The following PTPRG variants were observed in gnomAD, a reference collection of about 807,000 sequenced individuals.
PTPRG encodes the protein protein tyrosine phosphatase receptor type G, also known as receptor-type tyrosine-protein phosphatase gamma.
Under a neutral mutation model 165.3 loss-of-function variants are expected in PTPRG, and 102 were observed. The observed-to-expected ratio is 0.62, with a 90% CI of 0.53 to 0.73. The LOEUF (loss-of-function observed/expected upper bound fraction) is 0.73, where lower values mean the gene tolerates loss of function less well. Among genes scored for constraint, PTPRG ranks in the 30% least tolerant of loss-of-function variants. PTPRG has a pLI of 0.00. For synonymous variants in PTPRG, 675 were observed against 669.5 expected (o/e 1.01, Z -0.13); for missense variants, 1,866 against 1,861.4 (o/e 1.00, Z -0.05).
At chr3:62,249,216 T>C (rs1441939024) in intron 15 of PTPRG, among the ~76,000 whole-genome samples, 3 of 152,218 alleles carry the variant, frequency 2.0e-5, no homozygotes, top group Non-Finnish European at 4.4e-5. Context: ...TTTTGTTTCA[T>C]ATTTGCTTTA....
intron 5 of PTPRG, among the ~76,000 whole-genome samples, chr3:62,113,530 A>C (rs1350448482): frequency 3.3e-4 from 51 of 152,380 alleles, no homozygotes; most frequent in Non-Finnish European, 1.5e-5. Flanking sequence ...ATGAAAATTG[A>C]CATATGCAAT....
rs769223997 is a variant in PTPRG, at chr3:61,562,373, G to A, written c.85+1G>A. ...CTCCATTATGTCGTGTGCTTCCCCGGTGAGTGCCGGCCGCCGAGGGGATGC... is the reference window on the plus strand; with the variant it reads ...CTCCATTATGTCGTGTGCTTCCCCGATGAGTGCCGGCCGCCGAGGGGATGC... On this transcript the variant is annotated splice_donor_variant, in intron 1 of 29. Coordinates refer to ENST00000474889, the MANE Select transcript of PTPRG (RefSeq NM_002841.4). LOFTEE classifies it high-confidence loss of function. 1 of 1,613,380 alleles carries A rather than the reference G, an allele frequency of 6.2e-7. No individual in the cohort carries two copies. Among genetic ancestry groups the A allele is most frequent in the Non-Finnish European group, 8.5e-7 (1 of 1,179,560 alleles).
chr3:61,716,016 G>A (rs1332199701), intron 1 of PTPRG, among the ~76,000 whole-genome samples: 1 of 152,082 alleles, frequency 6.6e-6, no homozygotes, highest in East Asian at 1.9e-4. Flanking sequence ...GGATGGAGAG[G>A]GTCTCCTGTG....
chr3:61,827,017 A>T (rs1181889503), intron 2 of PTPRG, among the ~76,000 whole-genome samples: 1 of 152,146 alleles, frequency 6.6e-6, no homozygotes, highest in Non-Finnish European at 1.5e-5. Flanking sequence ...CAATCAGGCA[A>T]CTAGAATGAG....
chr3:61,618,765 A>G (rs1036900235), intron 1 of PTPRG, among the ~76,000 whole-genome samples: 1 of 152,096 alleles, frequency 6.6e-6, no homozygotes, highest in African/African-American at 2.4e-5. Context: ...CTTTCTGTTG[A>G]TGAGAGTCAA....
At chr3:61,986,368 A>G (rs561391750) in intron 2 of PTPRG, among the ~76,000 whole-genome samples, 1 of 152,336 alleles carries the variant, frequency 6.6e-6, no homozygotes, top group African/African-American at 2.4e-5. Flanking sequence ...TAAATTGTAT[A>G]ATAGTAATAA....
At chr3:61,919,668 G>A (rs1333081412) in intron 2 of PTPRG, among the ~76,000 whole-genome samples, 1 of 152,104 alleles carries the variant, frequency 6.6e-6, no homozygotes, top group Non-Finnish European at 1.5e-5. Flanking sequence ...CTCGTCATGG[G>A]GAGGGTTTTC....
intron 1 of PTPRG, among the ~76,000 whole-genome samples, chr3:61,695,727 G>T (rs1351280239): frequency 6.6e-6 from 1 of 152,194 alleles, no homozygotes; most frequent in Non-Finnish European, 1.5e-5. Context: ...AGTATGACAT[G>T]TTCCAGGTTG....
chr3:62,073,404 A>G (rs1701273230), intron 4 of PTPRG, among the ~76,000 whole-genome samples: 1 of 152,248 alleles, frequency 6.6e-6, no homozygotes, highest in Non-Finnish European at 1.5e-5. Context: ...CCTTAGCCAC[A>G]TGATCAAGAT....
chr3:61,888,625 C>A (rs1348907724), intron 2 of PTPRG, among the ~76,000 whole-genome samples: 1 of 151,758 alleles, frequency 6.6e-6, no homozygotes, highest in Non-Finnish European at 1.5e-5. Flanking sequence ...GCCACAGTAC[C>A]CAGCCAAAAA....
In PTPRG at chr3:62,263,139, C is replaced by T. The variant is rs765917774; in HGVS notation, c.2656+245C>T. ...GACTGAAAGAAAATGTTTGGAGCTT[C>T]GCTATTTTCACATGAAGTGATGTCA... is the stretch of plus-strand genomic sequence containing the variant. On this transcript the variant is annotated intron_variant, in intron 17 of 29. Coordinates refer to ENST00000474889, the MANE Select transcript of PTPRG (RefSeq NM_002841.4). 30 of 392,554 alleles carry T rather than the reference C, an allele frequency of 7.6e-5. No homozygotes were observed. The East Asian group carries it at 1.0e-3, about 14-fold the overall frequency. 24.3% of individuals were successfully genotyped at this position (392,554 alleles called of 1,614,324 possible). A position where few individuals can be genotyped will look rare whatever the true frequency, so the allele number is the denominator to read the frequency against.
intron 28 of PTPRG, among the ~76,000 whole-genome samples, chr3:62,284,547 A>G (rs1702566515): frequency 6.6e-6 from 1 of 152,078 alleles, no homozygotes; most frequent in East Asian, 1.9e-4. Context: ...TATTGAAGAG[A>G]AACTTTAAAA....
At chr3:61,695,510 T>C (rs925343622) in intron 1 of PTPRG, among the ~76,000 whole-genome samples, 2 of 152,198 alleles carry the variant, frequency 1.3e-5, no homozygotes, top group African/African-American at 4.8e-5. Flanking sequence ...CAAGTTCCGT[T>C]GACTAAAGGA....
In PTPRG at chr3:62,293,217, T is replaced by C; in HGVS notation, c.4248T>C (p.Asn1416=). 1 of 1,611,146 alleles carries C rather than the reference T, an allele frequency of 6.2e-7. No individual in the cohort carries two copies. Among genetic ancestry groups the C allele is most frequent in the African/African-American group, 1.3e-5 (1 of 74,820 alleles). Residue 1416 remains asparagine, a synonymous_variant, in exon 30 of 30, where the codon AAT becomes AAC. Coordinates refer to ENST00000474889, the MANE Select transcript of PTPRG (RefSeq NM_002841.4). ...AMLSLVSTKE[N]GNGPMTVDKN... is the part of the protein sequence containing the mutation. ...TTAGCTTGGTCAGCACTAAAGAAAA[T>C]GGAAATGGTCCCATGACAGTAGACA...
intron 1 of PTPRG, among the ~76,000 whole-genome samples, chr3:61,723,775 T>C (rs1186378124): frequency 1.3e-5 from 2 of 152,178 alleles, no homozygotes; most frequent in Non-Finnish European, 2.9e-5. Context: ...ACATTTTATC[T>C]CATATATGGT....
Position 61,939,928 on chromosome 3 carries a change from C to CTTTTTTTTTTTTTTT in PTPRG, c.191-49675_191-49661dup, listed in dbSNP as rs561334410. On this transcript the variant is annotated intron_variant, in intron 2 of 29. Transcript: ENST00000474889. ...TGTCTTGGCTTCCTTACTGACTTGT[C>CTTTTTTTTTTTTTTT]TTTTTTTTTTTTTTTTTTTTTTTTT... 5.9e-4 allele frequency among the ~76,000 whole-genome samples: 23 copies of CTTTTTTTTTTTTTTT among 39,142 alleles called. 8 individuals carry two copies. Among genetic ancestry groups the CTTTTTTTTTTTTTTT allele is most frequent in the East Asian group, 2.8e-3 (2 of 726 alleles). 25.7% of individuals were successfully genotyped at this position (39,142 alleles called of 152,430 possible). A position where few individuals can be genotyped will look rare whatever the true frequency, so the allele number is the denominator to read the frequency against.
rs1180424479 is a variant in PTPRG, at chr3:62,271,728, G to C, written c.3182+173G>C. On this transcript the variant is annotated intron_variant, in intron 21 of 29. Transcript: ENST00000474889. This position sits in a 1 kb window ranked among gnomAD's most constrained non-coding sequence, Gnocchi z 4.1. ...AGAGGCTCTATTCCTGTAACATTAA[G>C]AAATCATCTGCTGCTTCTGTGATTT... is the stretch of plus-strand genomic sequence containing the variant. 6.6e-6 allele frequency among the ~76,000 whole-genome samples: 1 copy of C among 152,162 alleles called. No individual in the cohort carries two copies. The highest frequency in any genetic ancestry group is 1.5e-5 in the Non-Finnish European group (1 of 68,036).
At chr3:61,996,553 G>T (rs2041044663) in intron 3 of PTPRG, among the ~76,000 whole-genome samples, 1 of 152,154 alleles carries the variant, frequency 6.6e-6, no homozygotes, top group Admixed American at 6.5e-5. Flanking sequence ...AAACATCTGG[G>T]CCCTTGGCAT....
chr3:61,668,869 A>G (rs1377388513), intron 1 of PTPRG, among the ~76,000 whole-genome samples: 2 of 152,152 alleles, frequency 1.3e-5, no homozygotes, highest in Non-Finnish European at 2.9e-5. Flanking sequence ...TCTACCACAC[A>G]AGCTCCTCTA....
Sources: gnomAD v4.1 joint callset for allele counts (sites outside exome capture counted in the v4.1 genomes callset) on GRCh38, gnomAD v4.1.1 for gene constraint, Gnocchi (gnomAD v3.1) non-coding constraint, MANE v1.5 for transcripts, NCBI Gene and HGNC (gene_info 2026-07-23, HGNC 2026-07-21) for gene names.